Variants in NCALD observed in about 807,000 individuals in gnomAD.
NCALD encodes the protein neurocalcin delta.
NCALD carries 10 observed loss-of-function variants against 18.6 expected under a neutral mutation model. The observed-to-expected ratio is 0.54, with a 90% CI of 0.33 to 0.91. The LOEUF is 0.91. NCALD is among the 40% of genes least tolerant of loss of function. The pLI is 0.03. For synonymous variants in NCALD, 88 were observed against 87.4 expected, an observed-to-expected ratio of 1.01 and a Z score of -0.04; for missense variants, 184 against 247.6, an observed-to-expected ratio of 0.74 and a Z score of 1.72.
At chr8:101,935,300 C>A (rs1363207322) in intron 2 of NCALD, among the ~76,000 whole-genome samples, 1 of 152,052 alleles carries the variant, frequency 6.6e-6, no homozygotes, top group African/African-American at 2.4e-5. Flanking sequence ...CCAAACAATT[C>A]CTAAGCACTG....
At position 101,910,637 on chromosome 8, in the gene NCALD, C is replaced by T. The variant is rs578117160; in HGVS notation, c.-107+5172G>A. ...GTACAAAGATACTATTTATAAAATG[C>T]ATTACTTCAAAATAAACCCAGCTCT... On this transcript the variant is annotated intron_variant, in intron 3 of 6. Coordinates refer to the NCALD transcript ENST00000311028. 6.6e-5 allele frequency among the ~76,000 whole-genome samples: 10 copies of T among 152,288 alleles called. No individual in the cohort carries two copies. In the South Asian group the frequency reaches 2.1e-3, roughly 32 times the overall value.
intron 1 of NCALD, chr8:101,749,934 T>C (rs1411520054): frequency 6.6e-6 from 1 of 152,466 alleles, no homozygotes; most frequent in Non-Finnish European, 1.5e-5. Flanking sequence ...TGTACTTGTC[T>C]GTTCTCATGC....
intron 4 of NCALD, among the ~76,000 whole-genome samples, chr8:101,837,029 T>C (rs371652544): frequency 9.3e-4 from 142 of 152,324 alleles, no homozygotes; most frequent in African/African-American, 3.3e-3. Context: ...CAGTTGTTCT[T>C]AAGCCCAGCA....
At chr8:101,789,307 T>C (rs1222645267) in intron 1 of NCALD, among the ~76,000 whole-genome samples, 2 of 152,226 alleles carry the variant, frequency 1.3e-5, no homozygotes, top group South Asian at 2.1e-4. Context: ...AATTTTGAGA[T>C]CAATTAAGTG....
intron 2 of NCALD, among the ~76,000 whole-genome samples, chr8:101,929,642 A>G (rs1157079950): frequency 6.5e-5 from 5 of 76,356 alleles, no homozygotes; most frequent in Non-Finnish European, 1.2e-4. Flanking sequence ...GGAAGGAGGC[A>G]GGGAGGGAGG....
chr8:101,796,672 A>G (rs1812650132), intron 4 of NCALD, among the ~76,000 whole-genome samples: 1 of 152,212 alleles, frequency 6.6e-6, no homozygotes, highest in African/African-American at 2.4e-5. Flanking sequence ...AAAATGTAAG[A>G]GACATTGGAA....
intron 1 of NCALD, among the ~76,000 whole-genome samples, chr8:102,065,735 T>C (rs2132274575): frequency 6.6e-6 from 1 of 152,242 alleles, no homozygotes; most frequent in African/African-American, 2.4e-5. Context: ...TCCCAGCACT[T>C]TGGGAGGCTG....
chr8:101,861,441 G>A (rs935149697), intron 4 of NCALD, among the ~76,000 whole-genome samples: 2 of 151,744 alleles, frequency 1.3e-5, no homozygotes, highest in Non-Finnish European at 2.9e-5. Context: ...AACATGGGTG[G>A]AACACACAGG....
At chr8:101,892,273 G>T (rs1816934598) in intron 3 of NCALD, among the ~76,000 whole-genome samples, 2 of 146,132 alleles carry the variant, frequency 1.4e-5, no homozygotes, top group African/African-American at 2.7e-5. Flanking sequence ...CACACGGCAG[G>T]GTATTCCAAC....
intron 3 of NCALD, chr8:101,691,859 A>G: frequency 3.0e-6 from 3 of 985,446 alleles, no homozygotes; most frequent in South Asian, 4.7e-5. Context: ...GCCTGTGCAC[A>G]TGGTTGACAA....
chr8:101,850,185 C>T (rs186365965), intron 4 of NCALD, among the ~76,000 whole-genome samples: 3 of 152,244 alleles, frequency 2.0e-5, no homozygotes, highest in South Asian at 4.1e-4. Context: ...TCAGTCCCTA[C>T]CCTGCAAAGG....
chr8:102,062,853 T>C (rs1269400537), intron 1 of NCALD, among the ~76,000 whole-genome samples: 1 of 152,132 alleles, frequency 6.6e-6, no homozygotes, highest in African/African-American at 2.4e-5. Flanking sequence ...CCAAAGCAAG[T>C]CACATGGCCA....
chr8:101,708,540 C>T (rs1262716642), intron 2 of NCALD, among the ~76,000 whole-genome samples: 1 of 152,168 alleles, frequency 6.6e-6, no homozygotes, highest in Non-Finnish European at 1.5e-5. Context: ...ATAATGGTAG[C>T]CAACAATTAT....
intron 4 of NCALD, among the ~76,000 whole-genome samples, chr8:101,820,778 C>T (rs1263036329): frequency 1.3e-5 from 2 of 152,148 alleles, no homozygotes; most frequent in Non-Finnish European, 2.9e-5. Flanking sequence ...ATATGCTGTC[C>T]CTTGACCCTT....
intron 1 of NCALD, among the ~76,000 whole-genome samples, chr8:102,123,528 C>A (rs1201577856): frequency 2.0e-5 from 3 of 151,498 alleles, no homozygotes; most frequent in African/African-American, 4.9e-5. Flanking sequence ...CGGGCTGATA[C>A]AACCCACTTT....
At chr8:101,691,929 G>C in intron 3 of NCALD, 2 of 985,460 alleles carry the variant, frequency 2.0e-6, no homozygotes, top group Non-Finnish European at 2.4e-6. Context: ...GAGCTACAGA[G>C]CCGGGCCCTG....
At chr8:102,072,221 A>G (rs1587017561) in intron 1 of NCALD, among the ~76,000 whole-genome samples, 2 of 152,208 alleles carry the variant, frequency 1.3e-5, no homozygotes, top group Admixed American at 1.3e-4. Flanking sequence ...CCTCATTAAA[A>G]TCACAATGAA....
At chr8:102,084,127 C>A (rs1415759159) in intron 1 of NCALD, among the ~76,000 whole-genome samples, 4 of 152,184 alleles carry the variant, frequency 2.6e-5, no homozygotes, top group Non-Finnish European at 4.4e-5. Flanking sequence ...TTTTCTTTTG[C>A]CCTGGCCTCA....
intron 4 of NCALD, among the ~76,000 whole-genome samples, chr8:101,839,792 A>T (rs1284949970): frequency 6.6e-6 from 1 of 152,008 alleles, no homozygotes; most frequent in Admixed American, 6.6e-5. Flanking sequence ...CACCAAATCA[A>T]AGATGGTCAG....
Sources: gnomAD v4.1 joint callset for allele counts (sites outside exome capture counted in the v4.1 genomes callset) on GRCh38, gnomAD v4.1.1 for gene constraint, MANE v1.5 for transcripts, NCBI Gene and HGNC (gene_info 2026-07-23, HGNC 2026-07-21) for gene names.